The following BBS9 variants were observed in gnomAD, a reference collection of about 807,000 sequenced individuals.
The protein encoded by BBS9 is Bardet-Biedl syndrome 9.
In BBS9, 89 loss-of-function variants were observed where a neutral mutation model predicts 117.7. The observed-to-expected ratio is 0.76, with a 90% CI of 0.64 to 0.90. BBS9 has a LOEUF of 0.90. Among genes scored for constraint, BBS9 ranks in the 40% least tolerant of loss-of-function variants. The probability of loss-of-function intolerance (pLI) is 0.00; values close to 1 mark genes in which losing one functional copy is unlikely to be tolerated. For missense variants in BBS9, 982 were observed against 1,042.2 expected (o/e 0.94, Z 0.80); for synonymous variants, 379 against 370.9 (o/e 1.02, Z -0.25).
At chr7:33,236,386 C>T (rs192606311) in intron 5 of BBS9, among the ~76,000 whole-genome samples, 10 of 148,702 alleles carry the variant, frequency 6.7e-5, no homozygotes, top group Admixed American at 2.0e-4. Context: ...AAAACAATTA[C>T]GACTGTGGAT....
intron 22 of BBS9, 37 bp from the exon 23 acceptor site, chr7:33,605,156 CTT>C (rs1563439584): frequency 6.3e-7 from 1 of 1,586,262 alleles, no homozygotes; most frequent in Admixed American, 1.7e-5. Context: ...CTATTCAGAT[CTT>C]TTCTCTCTCT....
chr7:33,181,807 G>A (rs1246250170), intron 5 of BBS9, among the ~76,000 whole-genome samples: 1 of 152,202 alleles, frequency 6.6e-6, no homozygotes, highest in Non-Finnish European at 1.5e-5. Context: ...TCCTTGGCCG[G>A]GCGTGGTGGC....
chr7:33,453,115 T>C (rs987559709), intron 19 of BBS9, among the ~76,000 whole-genome samples: 2 of 152,232 alleles, frequency 1.3e-5, no homozygotes, highest in Non-Finnish European at 2.9e-5. Flanking sequence ...AATTTTGAAG[T>C]ACTGGAAATC....
chr7:33,430,060 G>A (rs1834213236), intron 19 of BBS9, among the ~76,000 whole-genome samples: 1 of 152,166 alleles, frequency 6.6e-6, no homozygotes. Context: ...GTGCTACTAG[G>A]ATGGGTCCAA....
rs181159328 is a variant in BBS9, at chr7:33,413,744, G to A, written c.2115+25600G>A. On this transcript the variant is annotated intron_variant, in intron 19 of 22. Transcript: ENST00000242067. ...TAGTGAATTAAAGCCAGACCAGGCCGGGCGCAGTGGCTCACGCCTGTAATC... is the reference window on the plus strand; with the variant it reads ...TAGTGAATTAAAGCCAGACCAGGCCAGGCGCAGTGGCTCACGCCTGTAATC... Among the ~76,000 whole-genome samples, 12 of 152,276 alleles carry A rather than the reference G, an allele frequency of 7.9e-5. No individual in the cohort carries two copies. The East Asian group carries it at 1.9e-3, about 24-fold the overall frequency.
intron 5 of BBS9, among the ~76,000 whole-genome samples, chr7:33,252,635 C>T (rs1214888250): frequency 2.0e-5 from 3 of 151,772 alleles, no homozygotes; most frequent in East Asian, 1.9e-4. Context: ...ATTTGTGGTT[C>T]GATGATACCA....
At chr7:33,527,826 T>G (rs1338245382) in intron 20 of BBS9, among the ~76,000 whole-genome samples, 1 of 152,226 alleles carries the variant, frequency 6.6e-6, no homozygotes, top group African/African-American at 2.4e-5. Flanking sequence ...GAGCCCTCTT[T>G]GCATGACAAG....
chr7:33,450,532 A>G (rs1356509808), intron 19 of BBS9, among the ~76,000 whole-genome samples: 1 of 152,206 alleles, frequency 6.6e-6, no homozygotes, highest in African/African-American at 2.4e-5. Context: ...CTTCACTAAC[A>G]CTGATGTGTG....
At chr7:33,459,701 A>G (rs1584907764) in intron 19 of BBS9, among the ~76,000 whole-genome samples, 1 of 152,214 alleles carries the variant, frequency 6.6e-6, no homozygotes, top group East Asian at 1.9e-4. Flanking sequence ...CCCCTGCTGG[A>G]ATCAGCCATT....
chr7:33,252,807 T>C (rs1796421625), intron 5 of BBS9, among the ~76,000 whole-genome samples: 1 of 152,132 alleles, frequency 6.6e-6, no homozygotes, highest in African/African-American at 2.4e-5. Context: ...CATATCTTAA[T>C]AGAAAATATA....
intron 19 of BBS9, among the ~76,000 whole-genome samples, chr7:33,420,569 G>A (rs913565672): frequency 1.3e-5 from 2 of 152,012 alleles, no homozygotes; most frequent in African/African-American, 4.8e-5. Flanking sequence ...CTGTGGCCTC[G>A]GGACTCCTGC....
At chr7:33,505,392 T>C (rs1846008107) in intron 19 of BBS9, 71 bp from the exon 20 acceptor site, 1 of 1,463,368 alleles carries the variant, frequency 6.8e-7, no homozygotes, top group East Asian at 2.3e-5. Flanking sequence ...AACAAAAGTG[T>C]GCCAGACATA....
At chr7:33,558,900 C>T (rs1855682662) in intron 21 of BBS9, among the ~76,000 whole-genome samples, 1 of 152,112 alleles carries the variant, frequency 6.6e-6, no homozygotes, top group Non-Finnish European at 1.5e-5. Flanking sequence ...AAAAAGACTC[C>T]TCACTTGTGA....
chr7:33,295,921 C>A (rs1410817152), intron 9 of BBS9, among the ~76,000 whole-genome samples: 1 of 151,838 alleles, frequency 6.6e-6, no homozygotes, highest in Admixed American at 6.6e-5. Context: ...AAATTTTTCA[C>A]ATAAAAATAA....
intron 19 of BBS9, among the ~76,000 whole-genome samples, chr7:33,482,579 C>T (rs780575463): frequency 3.3e-5 from 5 of 152,074 alleles, no homozygotes; most frequent in Admixed American, 6.6e-5. Context: ...TCTAATTATG[C>T]GGGTATTTTC....
chr7:33,564,126 T>A (rs1306140134), intron 21 of BBS9, among the ~76,000 whole-genome samples: 2 of 152,240 alleles, frequency 1.3e-5, no homozygotes, highest in Admixed American at 1.3e-4. Flanking sequence ...CTTCTTTGTT[T>A]TATTGGCAAA....
chr7:33,595,678 T>C (rs1448604248), intron 21 of BBS9, among the ~76,000 whole-genome samples: 1 of 152,112 alleles, frequency 6.6e-6, no homozygotes, highest in African/African-American at 2.4e-5. Context: ...AGAAATCTCA[T>C]TACTGGGTAT....
chr7:33,498,262 A>T (rs1348643651), intron 19 of BBS9, among the ~76,000 whole-genome samples: 1 of 152,164 alleles, frequency 6.6e-6, no homozygotes, highest in Non-Finnish European at 1.5e-5. Flanking sequence ...CTAAGTAAAG[A>T]TGCCTTTGTG....
chr7:33,228,219 C>G (rs1444058285), intron 5 of BBS9, among the ~76,000 whole-genome samples: 1 of 151,764 alleles, frequency 6.6e-6, no homozygotes, highest in African/African-American at 2.4e-5. Flanking sequence ...TTTGCATTTC[C>G]CTGATAATCA....
Sources: gnomAD v4.1 joint callset for allele counts (sites outside exome capture counted in the v4.1 genomes callset) on GRCh38, gnomAD v4.1.1 for gene constraint, MANE v1.5 for transcripts, NCBI Gene and HGNC (gene_info 2026-07-23, HGNC 2026-07-21) for gene names.